The following CAPN14 variants were observed in gnomAD, a reference collection of about 807,000 sequenced individuals.
The protein encoded by CAPN14 is calpain-14.
CAPN14 carries 94 observed loss-of-function variants against 101.3 expected under a neutral mutation model. The observed-to-expected ratio is 0.93, with a 90% CI of 0.79 to 1.10. The LOEUF (loss-of-function observed/expected upper bound fraction) is 1.10. CAPN14 is among the 50% of genes least tolerant of loss of function. The pLI, the probability that CAPN14 is intolerant of heterozygous loss-of-function variation, is 0.00. For missense variants in CAPN14, 837 were observed against 828.4 expected, an observed-to-expected ratio of 1.01 and a Z score of -0.13; for synonymous variants, 338 against 317.9, an observed-to-expected ratio of 1.06 and a Z score of -0.67.
At chr2:31,197,717 G>C (rs1364364410) in intron 7 of CAPN14, among the ~76,000 whole-genome samples, 3 of 152,186 alleles carry the variant, frequency 2.0e-5, no homozygotes, top group African/African-American at 7.2e-5. Flanking sequence ...TATGGATCAG[G>C]GTGGGCCCTA....
chr2:31,229,387 T>C (rs966084783), intron 1 of CAPN14, among the ~76,000 whole-genome samples: 2 of 152,180 alleles, frequency 1.3e-5, no homozygotes, highest in African/African-American at 4.8e-5. Flanking sequence ...ATTCCAACTT[T>C]GTGCATCCAA....
intron 17 of CAPN14, among the ~76,000 whole-genome samples, chr2:31,178,990 AT>A (rs1680451062): frequency 6.6e-6 from 1 of 151,078 alleles, no homozygotes; most frequent in African/African-American, 2.4e-5. Context: ...AACAAATTAA[AT>A]ATGACATATC....
chr2:31,186,519 C>G (rs1183980482), intron 15 of CAPN14, 34 bp from the exon 16 acceptor site: 1 of 1,514,220 alleles, frequency 6.6e-7, no homozygotes, highest in East Asian at 2.5e-5. Flanking sequence ...GAAAAAATAA[C>G]TGTTACTGAA....
upstream of CAPN14, among the ~76,000 whole-genome samples, chr2:31,220,122 C>CA (rs1285138789): frequency 6.6e-6 from 1 of 152,132 alleles, no homozygotes; most frequent in Non-Finnish European, 1.5e-5. Flanking sequence ...ATAATATTTG[C>CA]ATTTTTTAAA....
chr2:31,233,468 T>A (rs754888595), intron 1 of CAPN14, among the ~76,000 whole-genome samples: 1 of 152,222 alleles, frequency 6.6e-6, no homozygotes, highest in Non-Finnish European at 1.5e-5. Context: ...TGTATTCCCA[T>A]GACCCTCTGC....
chr2:31,181,798 T>G (rs9798207), intron 16 of CAPN14, among the ~76,000 whole-genome samples: 46,886 of 146,104 alleles, frequency 0.32, 8,906 homozygotes, highest in African/African-American at 0.53. Context: ...TTGCGATAGT[T>G]TACTGAGAAT....
At chr2:31,183,754 CCTTT>C (rs895511224) in intron 16 of CAPN14, among the ~76,000 whole-genome samples, 24 of 151,602 alleles carry the variant, frequency 1.6e-4, no homozygotes, top group Admixed American at 4.6e-4. Context: ...GTAAACTAGT[CCTTT>C]CTTTCTTTCT....
intron 16 of CAPN14, among the ~76,000 whole-genome samples, chr2:31,184,957 T>C (rs1680832680): frequency 6.6e-6 from 1 of 152,246 alleles, no homozygotes; most frequent in Non-Finnish European, 1.5e-5. Flanking sequence ...TCTCTTCTGT[T>C]AAGAACTTGT....
intron 20 of CAPN14, 22 bp downstream of exon 20, chr2:31,177,004 C>A (rs1680330522): frequency 6.6e-7 from 1 of 1,520,484 alleles, no homozygotes; most frequent in Non-Finnish European, 8.9e-7. Context: ...ACCTGGCCCT[C>A]CCCAGCTTCC....
At chr2:31,231,223 A>G (rs1228036458) in intron 1 of CAPN14, among the ~76,000 whole-genome samples, 1 of 151,740 alleles carries the variant, frequency 6.6e-6, no homozygotes. Flanking sequence ...TCTATAAGTT[A>G]TACATTTTAG....
chr2:31,181,395 TTTTTTTC>T, intron 16 of CAPN14, among the ~76,000 whole-genome samples: 1 of 108,306 alleles, frequency 9.2e-6, no homozygotes, highest in Non-Finnish European at 1.8e-5. Context: ...TTTTTCTTTC[TTTTTTTC>T]TTTCTTTCTT....
chr2:31,181,168 C>T (rs1405096702), intron 16 of CAPN14, among the ~76,000 whole-genome samples, 168 bp from the exon 17 acceptor site: 1 of 152,088 alleles, frequency 6.6e-6, no homozygotes, highest in Non-Finnish European at 1.5e-5. Flanking sequence ...GGGTGACGGT[C>T]GTTCCTACCC....
At chr2:31,191,531 C>A in intron 11 of CAPN14, 124 bp from the exon 12 acceptor site, 4 of 903,516 alleles carry the variant, frequency 4.4e-6, no homozygotes, top group Non-Finnish European at 6.6e-6. Context: ...AGGCTCTACC[C>A]AGAAGCCGTG....
chr2:31,184,396 C>A lies in CAPN14; in HGVS notation c.1645+2032G>T, dbSNP rs536280818. On this transcript the variant is annotated intron_variant, in intron 16 of 21. Transcript: ENST00000403897. ...TTCCCTTCTAAACATCTGAATATTT[C>A]TCAAACTACTCCTCACATGCGATGG... Among the ~76,000 whole-genome samples the A allele has an allele frequency of 1.6e-4, 24 of 152,338 alleles. 1 individual carries two copies. The South Asian group carries it at 5.0e-3, about 32-fold the overall frequency.
At chr2:31,220,609 G>A (rs1322490484), upstream of CAPN14, among the ~76,000 whole-genome samples, 1 of 152,138 alleles carries the variant, frequency 6.6e-6, no homozygotes, top group Non-Finnish European at 1.5e-5. Flanking sequence ...CGGATCACGA[G>A]GTCAGGAGAC....
intron 6 of CAPN14, 58 bp from the exon 7 acceptor site, chr2:31,199,590 G>A: frequency 2.1e-6 from 3 of 1,407,156 alleles, no homozygotes; most frequent in Non-Finnish European, 2.9e-6. Flanking sequence ...TATTCTTTGA[G>A]TCGTGGGAAG....
Position 31,199,637 on chromosome 2 carries a change from G to A in CAPN14, c.727-105C>T. ...GGAGCAGGGGTTTATGGAGAGAAGT[G>A]TGGGAGATAATCATGGTATGGTACA... On this transcript the variant is annotated intron_variant, in intron 6 of 21. Transcript: ENST00000403897. The A allele has an allele frequency of 4.7e-6, 4 of 856,534 alleles. No individual in the cohort carries two copies. The South Asian group carries it at 6.5e-5, about 14-fold the overall frequency. 53.1% of individuals were successfully genotyped at this position (856,534 alleles called of 1,614,324 possible).
At chr2:31,215,999 A>T (rs1682627570) in intron 1 of CAPN14, among the ~76,000 whole-genome samples, 1 of 152,194 alleles carries the variant, frequency 6.6e-6, no homozygotes, top group Admixed American at 6.5e-5. Context: ...CACAACAGAA[A>T]TATGCAAAAT....
At chr2:31,179,299 C>T in intron 17 of CAPN14, among the ~76,000 whole-genome samples, 1 of 151,970 alleles carries the variant, frequency 6.6e-6, no homozygotes, top group Non-Finnish European at 1.5e-5. Flanking sequence ...CAGTTCCCAC[C>T]TATAAGTGAG....
Sources: allele counts gnomAD v4.1 joint callset (sites outside exome capture counted in the v4.1 genomes callset), GRCh38; gene constraint gnomAD v4.1.1; transcripts MANE v1.5; gene names NCBI Gene and HGNC (gene_info 2026-07-23, HGNC 2026-07-21).